Variants in ADAMTS9 observed in about 807,000 individuals in gnomAD.
ADAMTS9 encodes the protein ADAM metallopeptidase with thrombospondin type 1 motif 9.
Under a neutral mutation model 257.1 loss-of-function variants are expected in ADAMTS9, and 107 were observed. The observed-to-expected ratio is 0.42, with a 90% CI of 0.36 to 0.49. ADAMTS9 has a LOEUF of 0.49. Ranked by LOEUF, ADAMTS9 falls within the 20% of genes least tolerant of loss-of-function variation. The probability of loss-of-function intolerance (pLI) is 0.03; values close to 1 mark genes in which losing one functional copy is unlikely to be tolerated. For missense variants in ADAMTS9, 2,353 were observed against 2,469.1 expected, an observed-to-expected ratio of 0.95 and a Z score of 1.00; for synonymous variants, 982 against 880.9, an observed-to-expected ratio of 1.11 and a Z score of -2.03.
At chr3:64,559,129 G>A (rs2083381056) in intron 30 of ADAMTS9, among the ~76,000 whole-genome samples, 1 of 152,128 alleles carries the variant, frequency 6.6e-6, no homozygotes, top group Non-Finnish European at 1.5e-5. Flanking sequence ...ATTACATGAG[G>A]ACTACCCCAG....
intron 8 of ADAMTS9, 54 bp downstream of exon 8, chr3:64,654,299 A>T (rs967858126): frequency 2.4e-5 from 36 of 1,522,784 alleles, no homozygotes; most frequent in Middle Eastern, 1.8e-4. Context: ...GATGCGAAGG[A>T]ATAAAAGGTT....
chr3:64,633,167 G>C (rs898435449), intron 14 of ADAMTS9, among the ~76,000 whole-genome samples: 11 of 152,180 alleles, frequency 7.2e-5, no homozygotes, highest in African/African-American at 2.7e-4. Context: ...TAAGCACTGA[G>C]TTTATAGCAA....
chr3:64,528,083 C>T (rs1008062830), intron 38 of ADAMTS9, among the ~76,000 whole-genome samples: 1 of 152,202 alleles, frequency 6.6e-6, no homozygotes, highest in Non-Finnish European at 1.5e-5. Flanking sequence ...GACCATATCT[C>T]TTAGAACAGT....
At position 64,681,216 on chromosome 3, in the gene ADAMTS9, C is replaced by A. The variant is rs1576190223; in HGVS notation, c.664G>T (p.Ala222Ser). The A allele has an allele frequency of 6.2e-6, 10 of 1,612,774 alleles. No individual in the cohort carries two copies. In the East Asian group the frequency reaches 2.2e-4, roughly 36 times the overall value. The change falls in exon 3 of 40, where the codon GCA becomes TCA. Residue 222 changes from alanine to serine, a missense_variant. Transcript: ENST00000498707. ...PQREPSTGRHACDTSEHKNRH... is the reference protein window; with the variant it reads ...PQREPSTGRHSCDTSEHKNRH... ...AAGCAAATACCTGAGGTGTCACATGCATGCCTTCCTGTTGAGGGCTCTCTC... is the reference window on the plus strand; with the variant it reads ...AAGCAAATACCTGAGGTGTCACATGAATGCCTTCCTGTTGAGGGCTCTCTC...
At chr3:64,607,403 T>C (rs933441850) in intron 22 of ADAMTS9, among the ~76,000 whole-genome samples, 2 of 152,180 alleles carry the variant, frequency 1.3e-5, no homozygotes, top group Non-Finnish European at 2.9e-5. Flanking sequence ...GTGCTGTGGC[T>C]AAAATAGGTA....
chr3:64,597,914 C>T (rs1290953683), intron 26 of ADAMTS9, among the ~76,000 whole-genome samples: 1 of 152,210 alleles, frequency 6.6e-6, no homozygotes, highest in Non-Finnish European at 1.5e-5. Context: ...TTTATCAAGA[C>T]TCAAACTGCA....
Position 64,596,901 on chromosome 3 carries a change from T to C in ADAMTS9, c.4108A>G (p.Ile1370Val), listed in dbSNP as rs770410500. The change falls in exon 27 of 40, where the codon ATA becomes GTA. Residue 1370 changes from isoleucine to valine, a missense_variant. Transcript: ENST00000498707. ...GYTANDCVER[I>V]KPDEQRACES... ...CAGGCTCTTTGCTCATCAGGTTTTATTCTCTCCACACAGTCGTTTGCGGTG... is the reference window on the plus strand; with the variant it reads ...CAGGCTCTTTGCTCATCAGGTTTTACTCTCTCCACACAGTCGTTTGCGGTG... The C allele has an allele frequency of 4.3e-6, 7 of 1,613,958 alleles. No individual in the cohort carries two copies. Among genetic ancestry groups the C allele is most frequent in the African/African-American group, 4.0e-5 (3 of 74,924 alleles).
intron 12 of ADAMTS9, among the ~76,000 whole-genome samples, chr3:64,640,380 C>G (rs1700607447): frequency 6.6e-6 from 1 of 152,214 alleles, no homozygotes; most frequent in Non-Finnish European, 1.5e-5. Flanking sequence ...CAATATTAGA[C>G]TCTTTTCTCA....
rs565630711 is a variant in ADAMTS9 at position 64,529,397 on chromosome 3, AG to A, written c.5718+3768del. Among the ~76,000 whole-genome samples the A allele has an allele frequency of 1.4e-3, 216 of 152,160 alleles. 2 individuals are homozygous for A. The highest frequency in any genetic ancestry group is 5.0e-3 in the African/African-American group (209 of 41,532). ...TGGGGAAAACATTTTATTGCCAAGG[AG>A]GTTTGGAAAATTGAGGTTTTCATTT... is the stretch of plus-strand genomic sequence containing the variant. On this transcript the variant is annotated intron_variant, in intron 38 of 39. Transcript: ENST00000498707.
At chr3:64,670,133 TGTCTCA>T (rs113523946) in intron 3 of ADAMTS9, among the ~76,000 whole-genome samples, 98,973 of 151,618 alleles carry the variant, frequency 0.65, 33,064 homozygotes, top group African/African-American at 0.8. Context: ...CCTCTGTCTC[TGTCTCA>T]GTCTCATTGT....
chr3:64,629,400 T>C (rs1362328651), intron 16 of ADAMTS9, among the ~76,000 whole-genome samples: 1 of 152,214 alleles, frequency 6.6e-6, no homozygotes. Context: ...TGACCTAGTC[T>C]TGTTTAACCT....
At chr3:64,621,876 A>C (rs973052582) in intron 18 of ADAMTS9, among the ~76,000 whole-genome samples, 5 of 152,108 alleles carry the variant, frequency 3.3e-5, no homozygotes, top group Non-Finnish European at 1.5e-5. Context: ...CCTCATTTAG[A>C]CAAAAGAAAA....
intron 28 of ADAMTS9, 158 bp from the exon 29 acceptor site, chr3:64,568,693 G>A: frequency 1.3e-6 from 1 of 792,418 alleles, no homozygotes. Context: ...GCTTAATAGG[G>A]AAGGAAGGTG....
intron 3 of ADAMTS9, among the ~76,000 whole-genome samples, chr3:64,664,547 G>T (rs1701305361): frequency 6.6e-6 from 1 of 152,064 alleles, no homozygotes; most frequent in Admixed American, 6.5e-5. Context: ...TCTGTGACTG[G>T]CTTCTTTCAC....
intron 28 of ADAMTS9, chr3:64,588,689 A>G (rs1405184794): frequency 6.6e-6 from 1 of 152,120 alleles, no homozygotes; most frequent in Non-Finnish European, 1.5e-5. Context: ...CTGCTCCCCC[A>G]ACCTGTGGAC....
At chr3:64,657,629 C>T (rs1373019058) in intron 4 of ADAMTS9, among the ~76,000 whole-genome samples, 1 of 152,082 alleles carries the variant, frequency 6.6e-6, no homozygotes, top group Non-Finnish European at 1.5e-5. Flanking sequence ...TGAGTGACTG[C>T]ACTTGGCCAT....
chr3:64,546,686 T>C (rs940660134), intron 32 of ADAMTS9, 72 bp downstream of exon 32: 1 of 1,460,322 alleles, frequency 6.8e-7, no homozygotes, highest in Non-Finnish European at 9.2e-7. Context: ...GAGAGCGGGT[T>C]AGGCAGGACA....
At chr3:64,615,845 T>C in intron 20 of ADAMTS9, 115 bp downstream of exon 20, 2 of 1,248,880 alleles carry the variant, frequency 1.6e-6, no homozygotes, top group Non-Finnish European at 2.3e-6. Context: ...GCATTACAAA[T>C]CAATCACGGT....
intron 16 of ADAMTS9, among the ~76,000 whole-genome samples, chr3:64,623,120 T>C (rs779205620): frequency 4.6e-5 from 7 of 152,296 alleles, no homozygotes; most frequent in Middle Eastern, 3.4e-3. Flanking sequence ...TAGCTCACTG[T>C]GGTAGCCAGC....
Sources: gnomAD v4.1 joint callset for allele counts (sites outside exome capture counted in the v4.1 genomes callset) on GRCh38, gnomAD v4.1.1 for gene constraint, MANE v1.5 for transcripts, NCBI Gene and HGNC (gene_info 2026-07-23, HGNC 2026-07-21) for gene names.